Variants in KLF12 observed in about 807,000 individuals in gnomAD.
KLF12 encodes the protein KLF transcription factor 12, also known as Krueppel-like factor 12.
Under a neutral mutation model 37.8 loss-of-function variants are expected in KLF12, and 9 were observed. The observed-to-expected ratio is 0.24, with a 90% CI of 0.14 to 0.42. The LOEUF (loss-of-function observed/expected upper bound fraction) is 0.42, where lower values mean the gene tolerates loss of function less well. Among genes scored for constraint, KLF12 ranks in the 10% least tolerant of loss-of-function variants. KLF12 has a pLI of 1.00. For synonymous variants in KLF12, 208 were observed against 202.1 expected, an observed-to-expected ratio of 1.03 and a Z score of -0.25; for missense variants, 411 against 516.0, an observed-to-expected ratio of 0.80 and a Z score of 1.97.
intron 4 of KLF12, among the ~76,000 whole-genome samples, chr13:73,818,444 T>C (rs1392581099): frequency 6.6e-6 from 1 of 152,244 alleles, no homozygotes; most frequent in Non-Finnish European, 1.5e-5. Flanking sequence ...ATTTAAACTT[T>C]GCTTGTTTCC....
chr13:74,299,655 T>A, the KLF12 span, among the ~76,000 whole-genome samples: 2 of 152,220 alleles, frequency 1.3e-5, no homozygotes, highest in African/African-American at 4.8e-5. Context: ...GACATATTTT[T>A]TGAAGAACTG....
intron 1 of KLF12, among the ~76,000 whole-genome samples, chr13:74,026,561 TTAGA>T (rs1484478126): frequency 6.6e-6 from 1 of 152,228 alleles, no homozygotes; most frequent in Non-Finnish European, 1.5e-5. Flanking sequence ...TATTTCCATG[TTAGA>T]TACAGTTACA....
upstream of KLF12, among the ~76,000 whole-genome samples, chr13:74,134,185 G>GA (rs1006581667): frequency 7.1e-6 from 1 of 140,614 alleles, no homozygotes; most frequent in African/African-American, 2.6e-5. Context: ...GGGGTGCTGT[G>GA]AGGGGGGGGG....
At chr13:73,745,281 C>T (rs1027560809) in intron 6 of KLF12, among the ~76,000 whole-genome samples, 12 of 152,112 alleles carry the variant, frequency 7.9e-5, no homozygotes, top group African/African-American at 2.9e-4. Context: ...AAAGAGGGGA[C>T]GCTACTCTTA....
At chr13:73,912,850 T>C (rs1416115945) in intron 3 of KLF12, among the ~76,000 whole-genome samples, 1 of 152,194 alleles carries the variant, frequency 6.6e-6, no homozygotes, top group Admixed American at 6.5e-5. Flanking sequence ...TTCTACAATA[T>C]TAAGCTCCTT....
chr13:74,239,979 T>C, the KLF12 span, among the ~76,000 whole-genome samples: 1 of 151,604 alleles, frequency 6.6e-6, no homozygotes, highest in Non-Finnish European at 1.5e-5. Flanking sequence ...AATTTGATCC[T>C]GTCATTATGA....
At chr13:74,155,511 G>A in the KLF12 span, among the ~76,000 whole-genome samples, 8 of 151,906 alleles carry the variant, frequency 5.3e-5, no homozygotes, top group African/African-American at 9.7e-5. Flanking sequence ...ACAAGCACCC[G>A]CCACCATGCC....
chr13:74,133,117 C>A (rs929092734), intron 1 of KLF12, among the ~76,000 whole-genome samples: 1 of 152,194 alleles, frequency 6.6e-6, no homozygotes, highest in African/African-American at 2.4e-5. Flanking sequence ...GGCACTGTAG[C>A]AAGTGACAGT....
At chr13:74,200,197 G>C in the KLF12 span, among the ~76,000 whole-genome samples, 14 of 151,972 alleles carry the variant, frequency 9.2e-5, no homozygotes, top group East Asian at 1.4e-3. Context: ...CTCAGGGGGG[G>C]GGTTTCCTGA....
chr13:74,273,367 G>C, the KLF12 span, among the ~76,000 whole-genome samples: 1 of 151,154 alleles, frequency 6.6e-6, no homozygotes, highest in Non-Finnish European at 1.5e-5. Context: ...TTTTCCTTTG[G>C]TAAGTGTATC....
At chr13:73,918,938 A>C (rs761646263) in intron 3 of KLF12, among the ~76,000 whole-genome samples, 1 of 152,182 alleles carries the variant, frequency 6.6e-6, no homozygotes, top group Non-Finnish European at 1.5e-5. Flanking sequence ...TTACCTCTGA[A>C]TTGAGTTAGT....
chr13:74,267,192 G>A, the KLF12 span, among the ~76,000 whole-genome samples: 21,581 of 152,160 alleles, frequency 0.14, 1,946 homozygotes, highest in African/African-American at 0.25. Flanking sequence ...CCCAGAATCT[G>A]TGAATATGAC....
rs531173384 is a variant in KLF12 at position 73,751,359 on chromosome 13, A to G, written c.869+13579T>C. 4.3e-4 allele frequency among the ~76,000 whole-genome samples: 66 copies of G among 152,280 alleles called. 1 individual carries two copies. Among genetic ancestry groups the G allele is most frequent in the African/African-American group, 1.6e-3 (66 of 41,556 alleles). On this transcript the variant is annotated intron_variant, in intron 6 of 7. Coordinates refer to ENST00000377669, the MANE Select transcript of KLF12 (RefSeq NM_007249.5). ...GCTGTATTAATTTACATTCCCACCA[A>G]CAGTGTATAGGTGTTCCTTTTTCTC...
At chr13:74,192,739 G>C in the KLF12 span, among the ~76,000 whole-genome samples, 2 of 152,294 alleles carry the variant, frequency 1.3e-5, no homozygotes, top group Non-Finnish European at 2.9e-5. Context: ...TTATTTTCAT[G>C]CTATGGACAC....
the KLF12 span, among the ~76,000 whole-genome samples, chr13:74,173,552 G>T: frequency 3.3e-5 from 5 of 152,200 alleles, no homozygotes; most frequent in Non-Finnish European, 7.4e-5. Context: ...AGGCAGTGGA[G>T]ATAGCTGATA....
intron 3 of KLF12, among the ~76,000 whole-genome samples, chr13:73,889,254 T>C (rs943301640): frequency 7.2e-5 from 11 of 152,234 alleles, no homozygotes; most frequent in Non-Finnish European, 1.6e-4. Flanking sequence ...AAAATATGCA[T>C]GCATGTATGT....
intron 7 of KLF12, among the ~76,000 whole-genome samples, chr13:73,699,201 C>G (rs1179369914): frequency 1.4e-5 from 2 of 138,666 alleles, no homozygotes; most frequent in African/African-American, 5.3e-5. Context: ...CACCCCCCCA[C>G]TGCAATCTCT....
At chr13:74,021,582 T>C (rs906842178) in intron 1 of KLF12, among the ~76,000 whole-genome samples, 6 of 152,022 alleles carry the variant, frequency 3.9e-5, no homozygotes, top group African/African-American at 1.2e-4. Context: ...ACTGCACACA[T>C]CTCTTTACAA....
At chr13:73,912,714 G>A (rs1429419211) in intron 3 of KLF12, among the ~76,000 whole-genome samples, 1 of 152,158 alleles carries the variant, frequency 6.6e-6, no homozygotes, top group African/African-American at 2.4e-5. Context: ...AAGACACCAC[G>A]TTTGTGGTCA....
Sources: allele counts gnomAD v4.1 joint callset (sites outside exome capture counted in the v4.1 genomes callset), GRCh38; gene constraint gnomAD v4.1.1; transcripts MANE v1.5; gene names NCBI Gene and HGNC (gene_info 2026-07-23, HGNC 2026-07-21).